The following NMNAT2 variants were observed in gnomAD, a reference collection of about 807,000 sequenced individuals.
The protein encoded by NMNAT2 is nicotinamide/nicotinic acid mononucleotide adenylyltransferase 2.
Under a neutral mutation model 41.6 loss-of-function variants are expected in NMNAT2, and 11 were observed. The observed-to-expected ratio is 0.26, with a 90% confidence interval of 0.17 to 0.44. The LOEUF (loss-of-function observed/expected upper bound fraction) is 0.44. Ranked by LOEUF, NMNAT2 falls within the 20% of genes least tolerant of loss-of-function variation. NMNAT2 has a pLI of 1.00. For missense variants in NMNAT2, 288 were observed against 407.7 expected, an observed-to-expected ratio of 0.71 and a Z score of 2.53; for synonymous variants, 148 against 151.2, an observed-to-expected ratio of 0.98 and a Z score of 0.16.
chr1:183,323,472 A>G (rs981568858), intron 1 of NMNAT2, among the ~76,000 whole-genome samples: 5 of 152,226 alleles, frequency 3.3e-5, no homozygotes, highest in African/African-American at 9.6e-5. Context: ...GGGCAACCAA[A>G]GGGTAGAGCT....
rs137895505 is a variant in NMNAT2 at position 183,344,440 on chromosome 1, G to A, written c.86-50647C>T. 1.5e-4 allele frequency among the ~76,000 whole-genome samples: 23 copies of A among 152,294 alleles called. No homozygotes were observed. The East Asian group carries it at 4.4e-3, about 29-fold the overall frequency. ...ATATACCCCATGATAGCACATGCCT[G>A]ATATCCATATAATTGTTTGATGGCA... On this transcript the variant is annotated intron_variant, in intron 1 of 10. Coordinates refer to ENST00000287713, the MANE Select transcript of NMNAT2 (RefSeq NM_015039.4).
At chr1:183,403,906 G>T (rs1317883303) in intron 1 of NMNAT2, among the ~76,000 whole-genome samples, 2 of 152,156 alleles carry the variant, frequency 1.3e-5, no homozygotes, top group Non-Finnish European at 2.9e-5. Context: ...GAATTCAAAT[G>T]CTATTACAGG....
chr1:183,267,964 T>C (rs1313942833), intron 8 of NMNAT2, among the ~76,000 whole-genome samples: 1 of 151,826 alleles, frequency 6.6e-6, no homozygotes, highest in East Asian at 1.9e-4. Flanking sequence ...GCCTCAGAGG[T>C]GGGGGTCTGT....
intron 1 of NMNAT2, among the ~76,000 whole-genome samples, chr1:183,342,420 G>A (rs1221681639): frequency 6.6e-6 from 1 of 152,196 alleles, no homozygotes; most frequent in East Asian, 1.9e-4. Context: ...TAGACCCATA[G>A]TGAGACTATC....
At chr1:183,404,912 A>G (rs1411423620) in intron 1 of NMNAT2, among the ~76,000 whole-genome samples, 1 of 152,156 alleles carries the variant, frequency 6.6e-6, no homozygotes, top group East Asian at 1.9e-4. Context: ...ACAAAGAAGC[A>G]ATTATGCACC....
At position 183,261,281 on chromosome 1, in the gene NMNAT2, A is replaced by T. The variant is rs1312702648; in HGVS notation, c.674T>A (p.Phe225Tyr). Residue 225 changes from phenylalanine to tyrosine, a missense_variant, in exon 9 of 11, where the codon TTT becomes TAT. By Grantham distance (22) the Phe-to-Tyr change is conservative. This residue lies in a region of NMNAT2 where 181 missense variants were observed against 213.7 expected (regional missense o/e 0.85). Coordinates refer to ENST00000287713, the MANE Select transcript of NMNAT2 (RefSeq NM_015039.4). ...EADMEVIVGDFGIVVVPRDAA... is the reference protein window; with the variant it reads ...EADMEVIVGDYGIVVVPRDAA... ...ATCCCGGGGCACCACCACAATCCCA[A>T]AGTCACCAACAATCACCTCCATCTA... The T allele has an allele frequency of 6.2e-7, 1 of 1,613,730 alleles. No homozygotes were observed. Among genetic ancestry groups the T allele is most frequent in the East Asian group, 2.2e-5 (1 of 44,886 alleles).
At chr1:183,364,174 C>A (rs925235524) in intron 1 of NMNAT2, among the ~76,000 whole-genome samples, 2 of 152,200 alleles carry the variant, frequency 1.3e-5, no homozygotes, top group African/African-American at 4.8e-5. Context: ...ATGTGCAAGA[C>A]CTTGTGCTAT....
At chr1:183,413,840 C>T (rs1263437784) in intron 1 of NMNAT2, among the ~76,000 whole-genome samples, 1 of 152,084 alleles carries the variant, frequency 6.6e-6, no homozygotes, top group African/African-American at 2.4e-5. Flanking sequence ...ATCTCCTGAC[C>T]TCGTGATCCG....
intron 10 of NMNAT2, among the ~76,000 whole-genome samples, chr1:183,255,786 C>A (rs1660500746): frequency 6.6e-6 from 1 of 151,878 alleles, no homozygotes; most frequent in Non-Finnish European, 1.5e-5. Flanking sequence ...ACCTCGGCCT[C>A]CCGAGTAGCT....
rs1040706986 is a variant in NMNAT2 at position 183,289,297 on chromosome 1, C to T, written c.321+831G>A. On this transcript the variant is annotated intron_variant, in intron 4 of 10. Coordinates refer to ENST00000287713, the MANE Select transcript of NMNAT2 (RefSeq NM_015039.4). ...TGCTGTCTTGGTTGGTCAGGCTTCT[C>T]GCCATCGGTGGCATTGCTTTTCATC... is the stretch of plus-strand genomic sequence containing the variant. 3.3e-5 allele frequency among the ~76,000 whole-genome samples: 5 copies of T among 152,318 alleles called. No homozygotes were observed. The East Asian group carries it at 5.8e-4, about 18-fold the overall frequency.
chr1:183,287,260 A>G (rs1661424695), intron 4 of NMNAT2, among the ~76,000 whole-genome samples: 1 of 152,090 alleles, frequency 6.6e-6, no homozygotes, highest in South Asian at 2.1e-4. Context: ...TGGGGCTCAA[A>G]TGAGATCATG....
chr1:183,383,610 C>T (rs1033022267), intron 1 of NMNAT2, among the ~76,000 whole-genome samples: 1 of 152,228 alleles, frequency 6.6e-6, no homozygotes, highest in Non-Finnish European at 1.5e-5. Context: ...TGTTTTACTG[C>T]TTAAAAATTT....
intron 1 of NMNAT2, among the ~76,000 whole-genome samples, chr1:183,352,324 G>A (rs533676411): frequency 7.2e-5 from 11 of 152,252 alleles, no homozygotes; most frequent in Admixed American, 7.2e-4. Flanking sequence ...AGCACTTAGG[G>A]AGGCTAAGGT....
At chr1:183,253,947 G>GTGTGTA (rs1553268698) in intron 10 of NMNAT2, among the ~76,000 whole-genome samples, 9 of 148,866 alleles carry the variant, frequency 6.0e-5, no homozygotes, top group Admixed American at 4.7e-4. Context: ...GTGTGTGTAT[G>GTGTGTA]TGTGTGTGTA....
chr1:183,365,572 CATG>C, intron 1 of NMNAT2, among the ~76,000 whole-genome samples: 1 of 152,146 alleles, frequency 6.6e-6, no homozygotes. Context: ...GCCTAGCCAA[CATG>C]ATGAAACCCC....
At chr1:183,330,792 A>C (rs1475408458) in intron 1 of NMNAT2, among the ~76,000 whole-genome samples, 1 of 152,138 alleles carries the variant, frequency 6.6e-6, no homozygotes, top group Admixed American at 6.5e-5. Flanking sequence ...CAGCGAGGTG[A>C]ATTCTATTCC....
At chr1:183,410,668 C>T (rs979122725) in intron 1 of NMNAT2, among the ~76,000 whole-genome samples, 7 of 152,114 alleles carry the variant, frequency 4.6e-5, no homozygotes, top group Non-Finnish European at 8.8e-5. Context: ...CTAGAAATTC[C>T]TTAATGCGCC....
intron 1 of NMNAT2, among the ~76,000 whole-genome samples, chr1:183,301,080 A>AT (rs1373213962): frequency 4.6e-5 from 7 of 152,110 alleles, no homozygotes; most frequent in Non-Finnish European, 1.0e-4. Flanking sequence ...TTTATCAAGG[A>AT]TTTTTTGCAG....
chr1:183,382,181 G>A (rs759950419), intron 1 of NMNAT2, among the ~76,000 whole-genome samples: 8 of 152,152 alleles, frequency 5.3e-5, no homozygotes, highest in Non-Finnish European at 1.2e-4. Flanking sequence ...CATGGCTGGA[G>A]CAGGAGAAGG....
Sources: gnomAD v4.1 joint callset for allele counts (sites outside exome capture counted in the v4.1 genomes callset) on GRCh38, gnomAD v4.1.1 for gene constraint, gnomAD v4.1.1 regional missense constraint, MANE v1.5 for transcripts, NCBI Gene and HGNC (gene_info 2026-07-23, HGNC 2026-07-21) for gene names.